SP9: variants seen among roughly 807,000 people sequenced by gnomAD.
SP9 encodes the protein transcription factor Sp9.
In SP9, 5 loss-of-function variants were observed where a neutral mutation model predicts 23.0. That is an observed-to-expected ratio of 0.22 (90% CI 0.11 to 0.46). SP9 has a LOEUF of 0.46. SP9 is among the 20% of genes least tolerant of loss of function. The pLI, the probability that SP9 is intolerant of heterozygous loss-of-function variation, is 0.99. For missense variants in SP9, 542 were observed against 724.0 expected (o/e 0.75, Z 2.88); for synonymous variants, 360 against 356.5 (o/e 1.01, Z -0.11).
intron 1 of SP9, 147 bp from the exon 2 acceptor site, chr2:174,335,960 G>A (rs761308374): frequency 1.3e-5 from 9 of 715,870 alleles, no homozygotes; most frequent in South Asian, 1.9e-5. Flanking sequence ...CTCCGCGGGC[G>A]CGTGGGGAGG....
In SP9 at chr2:174,336,696, T is replaced by C; in HGVS notation, c.611T>C (p.Leu204Pro). ...QNPAGGLQSS[L>P]HSGAPQASLH... ...CCCGCTGGGGGGCTCCAGAGCTCGC[T>C]GCACTCGGGCGCCCCCCAGGCCTCG... Residue 204 changes from leucine (L) to proline (P), a missense_variant, in exon 2 of 2, where the codon CTG (leucine) becomes CCG (proline). Leu to Pro is a moderately conservative substitution (Grantham distance 98). Transcript: ENST00000394967. 2 of 1,521,528 alleles carry C rather than the reference T, an allele frequency of 1.3e-6. No individual in the cohort carries two copies. The highest frequency in any genetic ancestry group is 1.8e-6 in the Non-Finnish European group (2 of 1,140,778). The allele number at this position is 1,521,528 out of a possible 1,614,324, so 94.3% of individuals were successfully genotyped here.
Position 174,336,367 on chromosome 2 carries a change from G to T in SP9, c.282G>T (p.Thr94=). 6.7e-7 allele frequency: 1 copy of T among 1,494,532 alleles called. No individual in the cohort carries two copies. The highest frequency in any genetic ancestry group is 8.8e-7 in the Non-Finnish European group (1 of 1,130,308). The allele number at this position is 1,494,532 out of a possible 1,614,324, so 92.6% of individuals were successfully genotyped here. A position where few individuals can be genotyped will look rare whatever the true frequency, so the allele number is the denominator to read the frequency against. Residue 94 remains threonine (T), a synonymous_variant, in exon 2 of 2, where the codon ACG becomes ACT. Coordinates refer to ENST00000394967, the MANE Select transcript of SP9 (RefSeq NM_001145250.2). ...AANSAFCLAS[T]SPTSSAFSSD... Reference sequence around the variant, plus strand: ...ACAGCGCCTTCTGCCTGGCCTCCACGTCGCCCACGTCGTCCGCCTTCAGCA... The same window carrying T: ...ACAGCGCCTTCTGCCTGGCCTCCACTTCGCCCACGTCGTCCGCCTTCAGCA...
chr2:174,335,035 C>G lies in SP9; in HGVS notation c.-58C>G. ...CCGCGCGGGACCCAAGCAGTTTTTC[C>G]GAGCAGCCGCCAGGCTCAGCCCCGC... On this transcript the variant is annotated 5_prime_UTR_variant, in exon 1 of 2. Coordinates refer to ENST00000394967, the MANE Select transcript of SP9 (RefSeq NM_001145250.2). The G allele has an allele frequency of 6.5e-7, 1 of 1,543,308 alleles. No individual in the cohort carries two copies. Among genetic ancestry groups the G allele is most frequent in the Non-Finnish European group, 8.8e-7 (1 of 1,140,672 alleles).
At position 174,336,946 on chromosome 2, in the gene SP9, G is replaced by C. The variant is rs1305733429; in HGVS notation, c.861G>C (p.Ala287=). 6.9e-7 allele frequency: 1 copy of C among 1,447,650 alleles called. No individual in the cohort carries two copies. The allele number at this position is 1,447,650 out of a possible 1,614,324, so 89.7% of individuals were successfully genotyped here. A position where few individuals can be genotyped will look rare whatever the true frequency, so the allele number is the denominator to read the frequency against. ...AAASAMISGA[A]AAAAGGSSAR... is the part of the protein sequence containing the mutation. Reference sequence around the variant, plus strand: ...CCAGCGCCATGATATCGGGCGCCGCGGCTGCCGCCGCCGGGGGGAGCTCGG... The same window carrying C: ...CCAGCGCCATGATATCGGGCGCCGCCGCTGCCGCCGCCGGGGGGAGCTCGG... Residue 287 remains alanine, a synonymous_variant, in exon 2 of 2, where the codon GCG becomes GCC. Coordinates refer to ENST00000394967, the MANE Select transcript of SP9 (RefSeq NM_001145250.2).
Position 174,336,754 on chromosome 2 carries a change from C to T in SP9, c.669C>T (p.Asp223=), listed in dbSNP as rs1466605034. 1 of 1,533,666 alleles carries T rather than the reference C, an allele frequency of 6.5e-7. No individual in the cohort carries two copies. The highest frequency in any genetic ancestry group is 8.7e-7 in the Non-Finnish European group (1 of 1,145,740). The change falls in exon 2 of 2, where the codon GAC becomes GAT. Residue 223 remains aspartate (D), a synonymous_variant. Transcript: ENST00000394967. Reference sequence around the variant, plus strand: ...CGCAGCTGGGCACCTACAACCCCGACTTCAGCTCGCTCACGCACTCCGCCT... The same window carrying T: ...CGCAGCTGGGCACCTACAACCCCGATTTCAGCTCGCTCACGCACTCCGCCT... ...LHSQLGTYNP[D]FSSLTHSAFS... is the part of the protein sequence containing the mutation.
intron 1 of SP9, 190 bp downstream of exon 1, chr2:174,335,303 G>C: frequency 1.8e-6 from 1 of 564,430 alleles, no homozygotes; most frequent in Non-Finnish European, 3.2e-6. Flanking sequence ...GCCTTTGCAA[G>C]AAAAGGCCTT....
At chr2:174,335,216 TG>T (rs1458691253) in intron 1 of SP9, 103 bp downstream of exon 1, 7 of 1,288,574 alleles carry the variant, frequency 5.4e-6, no homozygotes, top group Non-Finnish European at 7.7e-6. Flanking sequence ...GCTGCTAGAC[TG>T]CAGCTTCAGC....
At chr2:174,335,307 A>C (rs1441062336) in intron 1 of SP9, 194 bp downstream of exon 1, 1 of 560,002 alleles carries the variant, frequency 1.8e-6, no homozygotes, top group Non-Finnish European at 3.2e-6. Context: ...TTGCAAGAAA[A>C]GGCCTTCTTA....
rs1416241097 is a variant in SP9, at chr2:174,336,125, A to G, written c.40A>G (p.Thr14Ala). The G allele has an allele frequency of 6.4e-7, 1 of 1,550,776 alleles. No homozygotes were observed. The highest frequency in any genetic ancestry group is 1.2e-5 in the South Asian group (1 of 84,032). The change falls in exon 2 of 2, where the codon ACG becomes GCG. Residue 14 changes from threonine (T) to alanine (A), a missense_variant. Physicochemically the swap from Thr to Ala is moderately conservative, Grantham distance 58. Coordinates refer to ENST00000394967, the MANE Select transcript of SP9 (RefSeq NM_001145250.2). ...ACTCTAGGAAGAGCCGCGCTTCGGA[A>G]CGACCCCGTTGGCCATGCTGGCGGC... The part of the protein sequence containing the change: ...SILGEEPRFG[T>A]TPLAMLAATC...
rs1036300905 is a variant in SP9 at position 174,336,525 on chromosome 2, C to A, written c.440C>A (p.Pro147Gln). 3 of 1,446,166 alleles carry A rather than the reference C, an allele frequency of 2.1e-6. No individual in the cohort carries two copies. The highest frequency in any genetic ancestry group is 1.5e-5 in the African/African-American group (1 of 66,726). The allele number at this position is 1,446,166 out of a possible 1,614,324, so 89.6% of individuals were successfully genotyped here. A position where few individuals can be genotyped will look rare whatever the true frequency, so the allele number is the denominator to read the frequency against. The change falls in exon 2 of 2, where the codon CCG becomes CAG. Residue 147 changes from proline to glutamine, a missense_variant. By Grantham distance (76) the Pro-to-Gln change is moderately conservative. Transcript: ENST00000394967. ...ACGACGGCAGCCGACGGGCTGTACCCGCGCGTGGGCATGGCGCACCCGTAC... is the reference window on the plus strand; with the variant it reads ...ACGACGGCAGCCGACGGGCTGTACCAGCGCGTGGGCATGGCGCACCCGTAC... ...VHTTAADGLY[P>Q]RVGMAHPYES...
At chr2:174,336,029 A>T in intron 1 of SP9, 78 bp from the exon 2 acceptor site, 1 of 1,378,432 alleles carries the variant, frequency 7.3e-7, no homozygotes, top group Non-Finnish European at 9.9e-7. Flanking sequence ...GAGGCTGCTC[A>T]CGGGTGCACT....
In SP9 at chr2:174,336,701, T is replaced by G; in HGVS notation, c.616T>G (p.Ser206Ala). 6.6e-7 allele frequency: 1 copy of G among 1,522,920 alleles called. No homozygotes were observed. Among genetic ancestry groups the G allele is most frequent in the Non-Finnish European group, 8.8e-7 (1 of 1,141,406 alleles). The allele number at this position is 1,522,920 out of a possible 1,614,324, so 94.3% of individuals were successfully genotyped here. Residue 206 changes from serine to alanine, a missense_variant, in exon 2 of 2, where the codon TCG becomes GCG. Coordinates refer to ENST00000394967, the MANE Select transcript of SP9 (RefSeq NM_001145250.2). ...PAGGLQSSLH[S>A]GAPQASLHSQ... ...TGGGGGGCTCCAGAGCTCGCTGCAC[T>G]CGGGCGCCCCCCAGGCCTCGCTGCA...
chr2:174,336,054 A>G (rs1312852190), intron 1 of SP9, 53 bp from the exon 2 acceptor site: 2 of 1,516,126 alleles, frequency 1.3e-6, no homozygotes, highest in African/African-American at 1.4e-5. Flanking sequence ...TTCTTCCCCC[A>G]CTTCCTCTTG....
chr2:174,336,742 C>G lies in SP9; in HGVS notation c.657C>G (p.Thr219=). The G allele has an allele frequency of 6.5e-7, 1 of 1,532,938 alleles. No individual in the cohort carries two copies. Among genetic ancestry groups the G allele is most frequent in the Non-Finnish European group, 8.7e-7 (1 of 1,145,494 alleles). 95.0% of individuals were successfully genotyped at this position (1,532,938 alleles called of 1,614,324 possible). Residue 219 remains threonine (T), a synonymous_variant, in exon 2 of 2, where the codon ACC becomes ACG. Transcript: ENST00000394967. ...CCTCGCTGCACTCGCAGCTGGGCAC[C>G]TACAACCCCGACTTCAGCTCGCTCA... ...PQASLHSQLG[T]YNPDFSSLTH...
In SP9 at chr2:174,338,269, G is replaced by T. The variant is rs551545364; in HGVS notation, c.*729G>T. ...TTTATTTTCTTGTAAATGTTCATTC[G>T]AATAGAGTTTTTTTGGGTGAATCCC... is the stretch of plus-strand genomic sequence containing the variant. On this transcript the variant is annotated 3_prime_UTR_variant, in exon 2 of 2. Transcript: ENST00000394967. The T allele has an allele frequency of 3.3e-5, 5 of 152,178 alleles. No homozygotes were observed. Among genetic ancestry groups the T allele is most frequent in the Non-Finnish European group, 7.4e-5 (5 of 68,000 alleles). 9.4% of individuals were successfully genotyped at this position (152,178 alleles called of 1,614,324 possible).
chr2:174,337,433 G>T lies in SP9; in HGVS notation c.1348G>T (p.Val450Phe), dbSNP rs561672667. The change falls in exon 2 of 2, where the codon GTC (valine) becomes TTC (phenylalanine). Residue 450 changes from valine to phenylalanine, a missense_variant. By Grantham distance (50) the Val-to-Phe change is conservative (BLOSUM62 -1). Transcript: ENST00000394967. ...CGACCTCATCCTGCATGACTCCGGC[G>T]TCAGTGCCGCCCGGGCGGCGGCAGC... ...SPDLILHDSG[V>F]SAARAAAAAA... The T allele has an allele frequency of 1.4e-6, 2 of 1,432,996 alleles. No individual in the cohort carries two copies. The highest frequency in any genetic ancestry group is 3.1e-5 in the South Asian group (2 of 64,990). The allele number at this position is 1,432,996 out of a possible 1,614,324, so 88.8% of individuals were successfully genotyped here. A position where few individuals can be genotyped will look rare whatever the true frequency, so the allele number is the denominator to read the frequency against.
At position 174,336,187 on chromosome 2, in the gene SP9, G is replaced by T. The variant is rs372579246; in HGVS notation, c.102G>T (p.Thr34=). Residue 34 remains threonine (T), a synonymous_variant, in exon 2 of 2, where the codon ACG becomes ACT. Transcript: ENST00000394967. Reference sequence around the variant, plus strand: ...AGATCGGCAACACGAGCCCGCTGACGACGCTGCCAGAGTCGAGCGCCTTCG... The same window carrying T: ...AGATCGGCAACACGAGCCCGCTGACTACGCTGCCAGAGTCGAGCGCCTTCG... The part of the protein sequence containing the change: ...CNKIGNTSPL[T]TLPESSAFAK... 13 of 1,550,618 alleles carry T rather than the reference G, an allele frequency of 8.4e-6. No homozygotes were observed. Among genetic ancestry groups the T allele is most frequent in the Non-Finnish European group, 1.0e-5 (12 of 1,146,578 alleles).
At position 174,336,088 on chromosome 2, in the gene SP9, C is replaced by T. The variant is rs1026773982; in HGVS notation, c.22-19C>T. The T allele has an allele frequency of 3.9e-6, 6 of 1,547,030 alleles. No homozygotes were observed. In the African/African-American group the frequency reaches 4.2e-5, roughly 11 times the overall value. ...TGCCCTCCTCCTTCTTGCTCCCTCCCCCATCCCACCCACTCTAGGAAGAGC... is the reference window on the plus strand; with the variant it reads ...TGCCCTCCTCCTTCTTGCTCCCTCCTCCATCCCACCCACTCTAGGAAGAGC... On this transcript the variant is annotated intron_variant, in intron 1 of 1. Coordinates refer to ENST00000394967, the MANE Select transcript of SP9 (RefSeq NM_001145250.2).
At position 174,336,307 on chromosome 2, in the gene SP9, C is replaced by G. The variant is rs1185328471; in HGVS notation, c.222C>G (p.Gly74=). 1.7e-5 allele frequency: 25 copies of G among 1,505,434 alleles called. No individual in the cohort carries two copies. In the East Asian group the frequency reaches 6.7e-4, roughly 40 times the overall value. 93.3% of individuals were successfully genotyped at this position (1,505,434 alleles called of 1,614,324 possible). The change falls in exon 2 of 2, where the codon GGC becomes GGG. Residue 74 remains glycine (G), a synonymous_variant. Transcript: ENST00000394967. The part of the protein sequence containing the change: ...SGFAVATGGR[G]SGGLAGGSGA... ...TCGCGGTGGCCACCGGGGGCCGTGG[C>G]TCGGGCGGCCTGGCGGGCGGCTCGG...
Sources: gnomAD v4.1 joint callset for allele counts on GRCh38, gnomAD v4.1.1 for gene constraint, MANE v1.5 for transcripts, NCBI Gene and HGNC (gene_info 2026-07-23, HGNC 2026-07-21) for gene names.